Variants in DSCAML1 observed in about 807,000 individuals in gnomAD.
DSCAML1 encodes the protein DS cell adhesion molecule like 1, also known as cell adhesion molecule DSCAML1.
A neutral mutation model predicts 200.5 loss-of-function variants in DSCAML1; 38 were observed. That is an observed-to-expected ratio of 0.19 (90% CI 0.15 to 0.25). DSCAML1 has a LOEUF of 0.25. Among genes scored for constraint, DSCAML1 ranks in the 10% least tolerant of loss-of-function variants. DSCAML1 has a pLI of 1.00. For missense variants in DSCAML1, 2,223 were observed against 2,858.8 expected (o/e 0.78, Z 5.07); for synonymous variants, 1,215 against 1,165.0 (o/e 1.04, Z -0.87).
intron 3 of DSCAML1, among the ~76,000 whole-genome samples, chr11:117,623,531 G>T (rs7121930): frequency 0.18 from 26,678 of 152,066 alleles, 2,482 homozygotes; most frequent in Non-Finnish European, 0.2. Context: ...TGCTAAACTT[G>T]CAGTGGAAGG....
At chr11:117,774,681 A>G (rs1001205582) in intron 3 of DSCAML1, among the ~76,000 whole-genome samples, 2 of 152,154 alleles carry the variant, frequency 1.3e-5, no homozygotes, top group Non-Finnish European at 2.9e-5. Context: ...TACAGTACAC[A>G]TTTAAAGCCT....
At chr11:117,800,771 T>G (rs751716287), upstream of DSCAML1, 1 of 152,208 alleles carries the variant, frequency 6.6e-6, no homozygotes, top group African/African-American at 2.4e-5. Context: ...CTGAGCCCTC[T>G]CCAATTCAGG....
chr11:117,724,370 T>C lies in DSCAML1; in HGVS notation c.511+52421A>G, dbSNP rs949135625. 6.6e-5 allele frequency among the ~76,000 whole-genome samples: 10 copies of C among 152,054 alleles called. No individual in the cohort carries two copies. In the South Asian group the frequency reaches 8.4e-4, roughly 13 times the overall value. On this transcript the variant is annotated intron_variant, in intron 3 of 32. Coordinates refer to ENST00000651296, the MANE Select transcript of DSCAML1 (RefSeq NM_020693.4). ...TATGGACTGGAGCGGGAAAGAAGAA[T>C]GAGGAAGACCCGCCAGGAAGAGGGG... is the stretch of plus-strand genomic sequence containing the variant.
intron 3 of DSCAML1, among the ~76,000 whole-genome samples, chr11:117,746,705 C>T (rs1390385321): frequency 6.6e-6 from 1 of 152,136 alleles, no homozygotes; most frequent in Admixed American, 6.5e-5. Flanking sequence ...ATGCCCTGAC[C>T]CAGGGACCCT....
In DSCAML1 at chr11:117,469,801, G is replaced by A. The variant is rs2048649328; in HGVS notation, c.3024+109C>T. 1 of 961,482 alleles carries A rather than the reference G, an allele frequency of 1.0e-6. No individual in the cohort carries two copies. The highest frequency in any genetic ancestry group is 2.4e-4 in the Middle Eastern group (1 of 4,172). The allele number at this position is 961,482 out of a possible 1,614,324, so 59.6% of individuals were successfully genotyped here. On this transcript the variant is annotated intron_variant, in intron 16 of 32. Transcript: ENST00000651296. The surrounding 1 kb of genome is among the most constrained non-coding windows in gnomAD (Gnocchi z 4.1). The stretch of plus-strand genomic sequence containing the variant: ...TAGGTTTAGTGACAAAACAGACATG[G>A]GCATCATATAAGACTAGAGACTAGC...
rs572075288 is a variant in DSCAML1 at position 117,575,553 on chromosome 11, G to C, written c.512-43031C>G. On this transcript the variant is annotated intron_variant, in intron 3 of 32. Coordinates refer to ENST00000651296, the MANE Select transcript of DSCAML1 (RefSeq NM_020693.4). ...CTTGTGGTGATTTGCTGTATGGCTGGGGTTGAGACTCCTGCATGAGAAGAG... is the reference window on the plus strand; with the variant it reads ...CTTGTGGTGATTTGCTGTATGGCTGCGGTTGAGACTCCTGCATGAGAAGAG... Among the ~76,000 whole-genome samples the C allele has an allele frequency of 9.2e-5, 14 of 152,306 alleles. No homozygotes were observed. In the East Asian group the frequency reaches 2.7e-3, roughly 29 times the overall value.
intron 3 of DSCAML1, among the ~76,000 whole-genome samples, chr11:117,755,169 G>A (rs1209178608): frequency 1.3e-5 from 2 of 152,128 alleles, no homozygotes; most frequent in African/African-American, 2.4e-5. Context: ...TAGCGCTTGG[G>A]TTTAATTCTT....
chr11:117,716,717 A>G (rs1027504329), intron 3 of DSCAML1, among the ~76,000 whole-genome samples: 2 of 152,208 alleles, frequency 1.3e-5, no homozygotes, highest in Non-Finnish European at 2.9e-5. Flanking sequence ...GTTGGGGGGA[A>G]AAAGAAAACA....
At chr11:117,466,877 C>G (rs1219398937) in intron 16 of DSCAML1, among the ~76,000 whole-genome samples, 2 of 152,176 alleles carry the variant, frequency 1.3e-5, no homozygotes, top group African/African-American at 4.8e-5. Context: ...TTTGTTAAAA[C>G]TAGAGAAAAA....
intron 6 of DSCAML1, among the ~76,000 whole-genome samples, chr11:117,520,884 C>T (rs767994795): frequency 7.9e-5 from 12 of 152,030 alleles, no homozygotes; most frequent in Admixed American, 5.9e-4. Flanking sequence ...GAGCTGTGAT[C>T]GCACTACTGT....
At chr11:117,703,312 A>AGAT (rs1349210160) in intron 3 of DSCAML1, among the ~76,000 whole-genome samples, 1 of 152,186 alleles carries the variant, frequency 6.6e-6, no homozygotes, top group Non-Finnish European at 1.5e-5. Context: ...GGAGCTGGAA[A>AGAT]GATAGTTCTT....
intron 3 of DSCAML1, among the ~76,000 whole-genome samples, chr11:117,650,774 G>A (rs1210134878): frequency 6.6e-6 from 1 of 151,832 alleles, no homozygotes; most frequent in Non-Finnish European, 1.5e-5. Context: ...GTCAGGGGTG[G>A]TTGAGGGCTG....
intron 24 of DSCAML1, among the ~76,000 whole-genome samples, chr11:117,438,503 C>T (rs1242389306): frequency 6.6e-6 from 1 of 152,096 alleles, no homozygotes; most frequent in Non-Finnish European, 1.5e-5. Flanking sequence ...AGGTCCTCAG[C>T]CCCAGCCCAG....
chr11:117,527,685 GTCTGAGATGGAGTAA>G (rs1248093870), intron 4 of DSCAML1, among the ~76,000 whole-genome samples: 1 of 152,162 alleles, frequency 6.6e-6, no homozygotes, highest in Non-Finnish European at 1.5e-5. Flanking sequence ...AGTAAATGGC[GTCTGAGATGGAGTAA>G]TCTAAAATCC....
At chr11:117,454,698 A>G (rs755605632) in intron 19 of DSCAML1, among the ~76,000 whole-genome samples, 5 of 152,206 alleles carry the variant, frequency 3.3e-5, no homozygotes, top group African/African-American at 4.8e-5. Context: ...AATAGTTTGT[A>G]GAAATAATTT....
At chr11:117,806,174 C>T (rs546587347) in intron 1 of DSCAML1, among the ~76,000 whole-genome samples, 17 of 152,272 alleles carry the variant, frequency 1.1e-4, no homozygotes, top group African/African-American at 4.1e-4. Context: ...TACAGTCTCA[C>T]CTAGGGCAAG....
At position 117,505,784 on chromosome 11, in the gene DSCAML1, C is replaced by T. The variant is rs779558957; in HGVS notation, c.1784-52G>A. On this transcript the variant is annotated intron_variant, in intron 8 of 32. Transcript: ENST00000651296. This position sits in a 1 kb window ranked among gnomAD's most constrained non-coding sequence, Gnocchi z 6.7. ...CAGGACCCTGTGCATTCTCACCTGG[C>T]CGCCAACGCCGCCTCACCTGCCTTA... The T allele has an allele frequency of 1.3e-6, 2 of 1,553,006 alleles. No individual in the cohort carries two copies. The highest frequency in any genetic ancestry group is 1.2e-5 in the South Asian group (1 of 83,324).
intron 3 of DSCAML1, among the ~76,000 whole-genome samples, chr11:117,759,729 G>A (rs2054765227): frequency 3.5e-5 from 3 of 84,938 alleles, no homozygotes; most frequent in African/African-American, 8.9e-5. Context: ...CCAGCTACAG[G>A]GAGCAGTGAA....
chr11:117,801,295 A>G (rs1465560424), upstream of DSCAML1: 1 of 152,250 alleles, frequency 6.6e-6, no homozygotes, highest in Admixed American at 6.5e-5. Context: ...GAGGTGAAAG[A>G]GCTGGGCTGG....
Sources: gnomAD v4.1 joint callset for allele counts (sites outside exome capture counted in the v4.1 genomes callset) on GRCh38, gnomAD v4.1.1 for gene constraint, Gnocchi (gnomAD v3.1) non-coding constraint, MANE v1.5 for transcripts, NCBI Gene and HGNC (gene_info 2026-07-23, HGNC 2026-07-21) for gene names.